TPO: variants seen among roughly 807,000 people sequenced by gnomAD.
TPO encodes the protein thyroid peroxidase.
In TPO, 78 loss-of-function variants were observed where a neutral mutation model predicts 96.9. The observed-to-expected ratio is 0.81, with a 90% CI of 0.67 to 0.97. TPO has a LOEUF of 0.97. Among genes scored for constraint, TPO ranks in the 50% least tolerant of loss-of-function variants. TPO has a pLI of 0.00. For synonymous variants in TPO, 547 were observed against 538.0 expected (o/e 1.02, Z -0.23); for missense variants, 1,252 against 1,274.8 (o/e 0.98, Z 0.27).
chr2:1,475,548 C>T (rs1006557904), intron 7 of TPO, among the ~76,000 whole-genome samples: 3 of 152,222 alleles, frequency 2.0e-5, no homozygotes, highest in African/African-American at 7.2e-5. Context: ...CTCAGCCTCC[C>T]GAGTAGCTGG....
upstream of TPO, among the ~76,000 whole-genome samples, chr2:1,410,061 G>A (rs377710283): frequency 1.3e-5 from 2 of 152,002 alleles, no homozygotes; most frequent in African/African-American, 4.8e-5. Flanking sequence ...AAATGTTCTG[G>A]GATCTAATGT....
Position 1,453,695 on chromosome 2 carries a change from G to T in TPO, c.484G>T (p.Asp162Tyr). Residue 162 changes from aspartate to tyrosine, a missense_variant and splice_region_variant, in exon 6 of 17, where the codon GAC (aspartate) becomes TAC (tyrosine). Coordinates refer to ENST00000329066, the MANE Select transcript of TPO (RefSeq NM_001206744.2). ...ACATCCTTGCATTTGTCTCCACAGA[G>T]ACCACCCCAGATGGGGCGCCTCCAA... is the stretch of plus-strand genomic sequence containing the variant. The part of the protein sequence containing the change: ...RPITGACNNR[D>Y]HPRWGASNTA... The T allele has an allele frequency of 4.3e-6, 7 of 1,613,894 alleles. No individual in the cohort carries two copies. The highest frequency in any genetic ancestry group is 5.9e-6 in the Non-Finnish European group (7 of 1,180,022).
At chr2:1,488,143 G>A (rs1458597921) in intron 10 of TPO, 152 bp downstream of exon 10, 1 of 1,129,504 alleles carries the variant, frequency 8.9e-7, no homozygotes, top group African/African-American at 1.5e-5. Flanking sequence ...AGTTCATTCA[G>A]CTAAAGTGGC....
At chr2:1,533,439 G>A (rs1181654150) in intron 15 of TPO, among the ~76,000 whole-genome samples, 3 of 29,034 alleles carry the variant, frequency 1.0e-4, no homozygotes, top group Non-Finnish European at 1.9e-4. Context: ...GCAACCTCCC[G>A]AAATCGCCCC....
At chr2:1,486,017 G>A (rs1671127182) in intron 9 of TPO, among the ~76,000 whole-genome samples, 1 of 151,986 alleles carries the variant, frequency 6.6e-6, no homozygotes, top group Non-Finnish European at 1.5e-5. Flanking sequence ...TTTCTTCTAG[G>A]GTTTTTACGG....
At chr2:1,516,800 G>T (rs759919817) in intron 14 of TPO, 83 bp from the exon 15 acceptor site, 15 of 1,281,778 alleles carry the variant, frequency 1.2e-5, no homozygotes, top group Non-Finnish European at 1.6e-5. Flanking sequence ...CCAGGACAGG[G>T]TATGGCCCAG....
rs541414288 is a variant in TPO, at chr2:1,449,375, C to A, written c.483-4319C>A. Among the ~76,000 whole-genome samples, 8 of 152,284 alleles carry A rather than the reference C, an allele frequency of 5.3e-5. No homozygotes were observed. The East Asian group carries it at 5.8e-4, about 11-fold the overall frequency. On this transcript the variant is annotated intron_variant, in intron 5 of 16. Transcript: ENST00000329066. The stretch of plus-strand genomic sequence containing the variant: ...TGCCTTGAATTCACATTCGTAGTCA[C>A]CTTTTTTCCCTCTCACTTTGTTTTT...
intron 4 of TPO, among the ~76,000 whole-genome samples, chr2:1,435,881 C>T (rs1665518017): frequency 6.6e-6 from 1 of 152,184 alleles, no homozygotes; most frequent in South Asian, 2.1e-4. Flanking sequence ...ACTAGGCACA[C>T]ATGCCTCACT....
chr2:1,421,810 C>T (rs528869549), intron 2 of TPO, among the ~76,000 whole-genome samples: 86 of 152,272 alleles, frequency 5.6e-4, no homozygotes, highest in Middle Eastern at 3.4e-3. Flanking sequence ...GCCCAGGCCG[C>T]CCCTCCCCTC....
At chr2:1,396,948 A>G (rs938433577) in intron 1 of TPO, among the ~76,000 whole-genome samples, 2 of 152,230 alleles carry the variant, frequency 1.3e-5, no homozygotes, top group Non-Finnish European at 2.9e-5. Flanking sequence ...TCTATGGTAT[A>G]TAAACATCAG....
At position 1,543,671 on chromosome 2, in the gene TPO, A is replaced by G. The variant is rs1315501339; in HGVS notation, c.*1197A>G. On this transcript the variant is annotated 3_prime_UTR_variant, in exon 17 of 17. Transcript: ENST00000329066. ...TCATAATTAAAACAATATTAAAATAAAACTCATGAATGATTTCATAATTAA... is the reference window on the plus strand; with the variant it reads ...TCATAATTAAAACAATATTAAAATAGAACTCATGAATGATTTCATAATTAA... 9 of 150,712 alleles carry G rather than the reference A, an allele frequency of 6.0e-5. No individual in the cohort carries two copies. The highest frequency in any genetic ancestry group is 1.0e-4 in the Non-Finnish European group (7 of 66,992). The allele number at this position is 150,712 out of a possible 1,614,324, so 9.3% of individuals were successfully genotyped here.
intron 1 of TPO, among the ~76,000 whole-genome samples, chr2:1,394,857 G>A (rs1027094103): frequency 1.1e-4 from 17 of 152,110 alleles, no homozygotes; most frequent in African/African-American, 4.1e-4. Context: ...TGAGAGTGTT[G>A]AGATGCGGTT....
intron 15 of TPO, among the ~76,000 whole-genome samples, chr2:1,519,249 T>C (rs1474190828): frequency 6.6e-6 from 1 of 152,184 alleles, no homozygotes; most frequent in Non-Finnish European, 1.5e-5. Flanking sequence ...AGTGCTATGA[T>C]TGTGTCCATT....
intron 15 of TPO, among the ~76,000 whole-genome samples, chr2:1,533,354 C>A (rs1208157483): frequency 9.1e-6 from 1 of 110,466 alleles, no homozygotes; most frequent in Non-Finnish European, 1.8e-5. Flanking sequence ...GCAACCTTCC[C>A]AAATCCCCCC....
At position 1,385,495 on chromosome 2, in the gene TPO, G is replaced by T. The variant is rs796372860; in HGVS notation, n.180+11093G>T. Among the ~76,000 whole-genome samples, 5 of 152,074 alleles carry T rather than the reference G, an allele frequency of 3.3e-5. No individual in the cohort carries two copies. The South Asian group carries it at 8.3e-4, about 25-fold the overall frequency. Reference sequence around the variant, plus strand: ...CTTCTAGATTTTCTAGTTTATTTGTGTAGAGGTGTTTATAGTAGTCTCTGA... The same window carrying T: ...CTTCTAGATTTTCTAGTTTATTTGTTTAGAGGTGTTTATAGTAGTCTCTGA... On this transcript the variant is annotated intron_variant and non_coding_transcript_variant, in intron 1 of 5. Transcript: ENST00000497517.
intron 10 of TPO, among the ~76,000 whole-genome samples, chr2:1,488,951 C>T (rs1186264077): frequency 6.6e-6 from 1 of 152,208 alleles, no homozygotes; most frequent in African/African-American, 2.4e-5. Context: ...CACACTGTCC[C>T]CCTCACTCCC....
chr2:1,495,969 C>T lies in TPO; in HGVS notation c.2007-20C>T. On this transcript the variant is annotated intron_variant, in intron 11 of 16. Coordinates refer to ENST00000329066, the MANE Select transcript of TPO (RefSeq NM_001206744.2). ...GTTCTCCATGCACTGTGACCTTACT[C>T]ACTGTCTCCTTCTCTGGAGGTTTTG... 1 of 1,608,518 alleles carries T rather than the reference C, an allele frequency of 6.2e-7. No individual in the cohort carries two copies. Among genetic ancestry groups the T allele is most frequent in the Non-Finnish European group, 8.5e-7 (1 of 1,178,964 alleles).
At chr2:1,435,125 G>C (rs1244458006) in intron 4 of TPO, among the ~76,000 whole-genome samples, 1 of 152,112 alleles carries the variant, frequency 6.6e-6, no homozygotes, top group African/African-American at 2.4e-5. Flanking sequence ...AGTAGAGACG[G>C]GGTTTCACCA....
chr2:1,392,421 G>T (rs1412971205), intron 1 of TPO, among the ~76,000 whole-genome samples: 1 of 152,126 alleles, frequency 6.6e-6, no homozygotes, highest in Non-Finnish European at 1.5e-5. Context: ...TTTTATTGAG[G>T]ATTTTTGCAT....
Sources: gnomAD v4.1 joint callset for allele counts (sites outside exome capture counted in the v4.1 genomes callset) on GRCh38, gnomAD v4.1.1 for gene constraint, MANE v1.5 for transcripts, NCBI Gene and HGNC (gene_info 2026-07-23, HGNC 2026-07-21) for gene names.